Variants in DCC observed in about 807,000 individuals in gnomAD.
DCC encodes the protein netrin receptor DCC.
Under a neutral mutation model 172.5 loss-of-function variants are expected in DCC, and 58 were observed. The observed-to-expected ratio is 0.34, with a 90% CI of 0.27 to 0.42. DCC has a LOEUF of 0.42. Ranked by LOEUF, DCC falls within the 10% of genes least tolerant of loss-of-function variation. DCC has a pLI of 1.00. For synonymous variants in DCC, 709 were observed against 644.5 expected, an observed-to-expected ratio of 1.10 and a Z score of -1.52; for missense variants, 1,740 against 1,791.0, an observed-to-expected ratio of 0.97 and a Z score of 0.51.
chr18:53,256,354 T>C (rs1246503364), intron 12 of DCC, among the ~76,000 whole-genome samples: 1 of 152,244 alleles, frequency 6.6e-6, no homozygotes, highest in Non-Finnish European at 1.5e-5. Flanking sequence ...AGGTCTAACA[T>C]GTAGGTCTTT....
At chr18:52,639,405 C>T (rs2034847441) in intron 1 of DCC, among the ~76,000 whole-genome samples, 2 of 152,074 alleles carry the variant, frequency 1.3e-5, no homozygotes, top group South Asian at 2.1e-4. Flanking sequence ...AACTGATAGA[C>T]CGTTGGCAAG....
At chr18:53,279,452 A>T (rs1373572779) in intron 12 of DCC, among the ~76,000 whole-genome samples, 1 of 138,868 alleles carries the variant, frequency 7.2e-6, no homozygotes, top group East Asian at 2.3e-4. Context: ...AACAATGAGA[A>T]CACATGGACA....
At chr18:53,025,548 C>G (rs1308785798) in intron 5 of DCC, among the ~76,000 whole-genome samples, 1 of 152,122 alleles carries the variant, frequency 6.6e-6, no homozygotes, top group Non-Finnish European at 1.5e-5. Context: ...TAGCTCCCAA[C>G]AGTAGTTTAA....
At chr18:52,999,322 GT>G (rs2143836951) in intron 5 of DCC, among the ~76,000 whole-genome samples, 1 of 152,134 alleles carries the variant, frequency 6.6e-6, no homozygotes, top group East Asian at 1.9e-4. Flanking sequence ...ACACAGAGCT[GT>G]TTTTGTCACT....
At chr18:52,458,060 T>C (rs1988513426) in intron 1 of DCC, among the ~76,000 whole-genome samples, 1 of 152,188 alleles carries the variant, frequency 6.6e-6, no homozygotes, top group African/African-American at 2.4e-5. Flanking sequence ...ATGGTTTCAC[T>C]GACTGAGACA....
intron 6 of DCC, chr18:53,063,745 T>A: frequency 2.8e-6 from 1 of 355,868 alleles, no homozygotes; most frequent in Non-Finnish European, 5.2e-6. Context: ...CTGAGTAGTT[T>A]CACAGTTTCA....
At chr18:53,430,677 A>G (rs1306020144) in intron 21 of DCC, among the ~76,000 whole-genome samples, 2 of 152,206 alleles carry the variant, frequency 1.3e-5, no homozygotes, top group Non-Finnish European at 2.9e-5. Flanking sequence ...CATAAATAAT[A>G]AATTGCATAA....
chr18:52,716,293 G>A (rs2036382672), intron 1 of DCC, among the ~76,000 whole-genome samples: 1 of 152,216 alleles, frequency 6.6e-6, no homozygotes, highest in Non-Finnish European at 1.5e-5. Context: ...GAAAATCGCA[G>A]GATTGTTCCC....
At chr18:52,472,994 A>G (rs1159768586) in intron 1 of DCC, among the ~76,000 whole-genome samples, 2 of 152,250 alleles carry the variant, frequency 1.3e-5, no homozygotes, top group Non-Finnish European at 2.9e-5. Flanking sequence ...AATTTCAGAC[A>G]GAGCTAATAT....
At chr18:53,357,923 G>A (rs73957170) in intron 15 of DCC, among the ~76,000 whole-genome samples, 6,521 of 152,138 alleles carry the variant, frequency 0.043, 453 homozygotes, top group African/African-American at 0.15. Context: ...ATAATTTCAC[G>A]ATTCACACAG....
rs74649086 is a variant in DCC at position 53,350,227 on chromosome 18, G to A, written c.2359+10320G>A. ...TATCATGTCTTAAGGAAAATGAATCGAACTCGTTCACCGCCATTGATGTGG... is the reference window on the plus strand; with the variant it reads ...TATCATGTCTTAAGGAAAATGAATCAAACTCGTTCACCGCCATTGATGTGG... On this transcript the variant is annotated intron_variant, in intron 15 of 28. Transcript: ENST00000442544. Among the ~76,000 whole-genome samples the A allele has an allele frequency of 5.7e-3, 871 of 152,150 alleles. 6 individuals carry two copies. Among genetic ancestry groups the A allele is most frequent in the Admixed American group, 0.024 (372 of 15,268 alleles).
chr18:52,465,256 G>A (rs931424202), intron 1 of DCC, among the ~76,000 whole-genome samples: 20 of 152,128 alleles, frequency 1.3e-4, no homozygotes, highest in African/African-American at 4.6e-4. Context: ...TGCCTCTGAG[G>A]GGCAATGTAT....
intron 2 of DCC, among the ~76,000 whole-genome samples, chr18:52,841,036 G>A (rs1023384125): frequency 1.3e-5 from 2 of 152,140 alleles, no homozygotes; most frequent in African/African-American, 4.8e-5. Flanking sequence ...GATCTCTGCA[G>A]GTCTCCGTGA....
At chr18:52,697,192 A>C (rs2036027053) in intron 1 of DCC, among the ~76,000 whole-genome samples, 1 of 152,208 alleles carries the variant, frequency 6.6e-6, no homozygotes, top group Non-Finnish European at 1.5e-5. Context: ...CCTCCTCATC[A>C]AGAACATTTA....
At chr18:52,511,552 C>G (rs994606648) in intron 1 of DCC, among the ~76,000 whole-genome samples, 1 of 152,064 alleles carries the variant, frequency 6.6e-6, no homozygotes, top group Non-Finnish European at 1.5e-5. Context: ...GAATGAGGAC[C>G]TGGGGGGCAG....
At chr18:53,083,440 A>C (rs1389373961) in intron 7 of DCC, among the ~76,000 whole-genome samples, 1 of 152,190 alleles carries the variant, frequency 6.6e-6, no homozygotes, top group African/African-American at 2.4e-5. Flanking sequence ...CCTACATTTT[A>C]TACAGCTGTC....
chr18:52,448,273 A>C (rs1299208432), intron 1 of DCC, among the ~76,000 whole-genome samples: 1 of 152,206 alleles, frequency 6.6e-6, no homozygotes, highest in Non-Finnish European at 1.5e-5. Flanking sequence ...GTTTCATCCC[A>C]AAACCATCCC....
chr18:53,051,898 T>G (rs1361434369), intron 5 of DCC, among the ~76,000 whole-genome samples: 1 of 152,110 alleles, frequency 6.6e-6, no homozygotes, highest in African/African-American at 2.4e-5. Flanking sequence ...CAGAAAAGTA[T>G]CCTATTCTTT....
chr18:53,211,209 C>T (rs1157747461), intron 11 of DCC, among the ~76,000 whole-genome samples: 1 of 152,072 alleles, frequency 6.6e-6, no homozygotes, highest in Non-Finnish European at 1.5e-5. Flanking sequence ...TAATGGAAGG[C>T]CCTGATCCAA....
Sources: gnomAD v4.1 joint callset for allele counts (sites outside exome capture counted in the v4.1 genomes callset) on GRCh38, gnomAD v4.1.1 for gene constraint, MANE v1.5 for transcripts, NCBI Gene and HGNC (gene_info 2026-07-23, HGNC 2026-07-21) for gene names.